The following TMEM63A variants were observed in gnomAD, a reference collection of about 807,000 sequenced individuals.
TMEM63A encodes mechanosensitive cation channel TMEM63A.
Under a neutral mutation model 100.6 loss-of-function variants are expected in TMEM63A, and 76 were observed. That is an observed-to-expected ratio of 0.76 (90% CI 0.63 to 0.91). The LOEUF (loss-of-function observed/expected upper bound fraction) is 0.91, where lower values mean the gene tolerates loss of function less well. Ranked by LOEUF, TMEM63A falls within the 40% of genes least tolerant of loss-of-function variation. TMEM63A has a pLI of 0.00. For missense variants in TMEM63A, 876 were observed against 1,008.8 expected, an observed-to-expected ratio of 0.87 and a Z score of 1.78; for synonymous variants, 401 against 401.1, an observed-to-expected ratio of 1.00 and a Z score of 0.00.
chr1:225,849,367 G>C (rs1438803787), intron 21 of TMEM63A, among the ~76,000 whole-genome samples: 3 of 152,144 alleles, frequency 2.0e-5, no homozygotes, highest in Admixed American at 2.0e-4. Context: ...CACACCCCCA[G>C]TCTGACCGGG....
chr1:225,856,063 G>A lies in TMEM63A; in HGVS notation c.1572-123C>T, dbSNP rs74501019. On this transcript the variant is annotated intron_variant, in intron 17 of 24. Coordinates refer to ENST00000366835, the MANE Select transcript of TMEM63A (RefSeq NM_014698.3). Reference sequence around the variant, plus strand: ...CTCGAGATTGACTTTTGTTCTCAACGATGCCACTTACTACGGCATGACCTG... The same window carrying A: ...CTCGAGATTGACTTTTGTTCTCAACAATGCCACTTACTACGGCATGACCTG... The A allele has an allele frequency of 4.1e-3, 3,912 of 955,650 alleles. 82 individuals carry two copies. The African/African-American group carries it at 0.047, about 12-fold the overall frequency. 59.2% of individuals were successfully genotyped at this position (955,650 alleles called of 1,614,324 possible).
At chr1:225,881,235 G>GCAC (rs1671072713) in intron 1 of TMEM63A, among the ~76,000 whole-genome samples, 1 of 152,218 alleles carries the variant, frequency 6.6e-6, no homozygotes, top group Non-Finnish European at 1.5e-5. Flanking sequence ...TAGGGTCTCA[G>GCAC]CACCACGCAG....
intron 17 of TMEM63A, 141 bp from the exon 18 acceptor site, chr1:225,856,081 A>G: frequency 2.5e-6 from 2 of 803,232 alleles, no homozygotes; most frequent in Non-Finnish European, 4.0e-6. Flanking sequence ...TTACTACGGC[A>G]TGACCTGTCA....
At chr1:225,859,064 G>A in intron 15 of TMEM63A, 132 bp downstream of exon 15, 1 of 1,323,716 alleles carries the variant, frequency 7.6e-7, no homozygotes. Context: ...AAGCAAGGAT[G>A]TGAGCTGAGC....
chr1:225,878,446 C>T (rs1333691221), intron 2 of TMEM63A, among the ~76,000 whole-genome samples: 1 of 152,132 alleles, frequency 6.6e-6, no homozygotes, highest in Non-Finnish European at 1.5e-5. Context: ...ATCAGTCTAA[C>T]TGCAAGGCCC....
At chr1:225,866,981 T>A (rs360085) in intron 8 of TMEM63A, 131 bp downstream of exon 8, 892,767 of 929,940 alleles carry the variant, frequency 0.96, 428,664 homozygotes, top group East Asian at 1. Context: ...GCTCAACAAC[T>A]CACTAGCTGC....
intron 6 of TMEM63A, among the ~76,000 whole-genome samples, chr1:225,870,402 G>A (rs1239461806): frequency 1.3e-5 from 2 of 150,382 alleles, no homozygotes; most frequent in African/African-American, 4.9e-5. Context: ...AGATTCAATG[G>A]AATATGGCAG....
At position 225,853,514 on chromosome 1, in the gene TMEM63A, T is replaced by G; in HGVS notation, c.1797+115A>C. On this transcript the variant is annotated intron_variant, in intron 19 of 24. Coordinates refer to ENST00000366835, the MANE Select transcript of TMEM63A (RefSeq NM_014698.3). This position sits in a 1 kb window ranked among gnomAD's most constrained non-coding sequence, Gnocchi z 4.0. ...TTAGCCCAGTGCCTGCACTAGTGGGTAGTCAGGTAAATGCTACCCACTAGT... is the reference window on the plus strand; with the variant it reads ...TTAGCCCAGTGCCTGCACTAGTGGGGAGTCAGGTAAATGCTACCCACTAGT... 1 of 1,099,814 alleles carries G rather than the reference T, an allele frequency of 9.1e-7. No individual in the cohort carries two copies. The highest frequency in any genetic ancestry group is 1.3e-6 in the Non-Finnish European group (1 of 799,222). 68.1% of individuals were successfully genotyped at this position (1,099,814 alleles called of 1,614,324 possible). A position where few individuals can be genotyped will look rare whatever the true frequency, so the allele number is the denominator to read the frequency against.
In TMEM63A at chr1:225,845,942, C is replaced by T. The variant is rs531944978; in HGVS notation, c.*997G>A. On this transcript the variant is annotated 3_prime_UTR_variant, in exon 25 of 25. Coordinates refer to ENST00000366835, the MANE Select transcript of TMEM63A (RefSeq NM_014698.3). Reference sequence around the variant, plus strand: ...TGCTCTTCCACACCCCCATCCCGCCCCTACTGCACAGGCTTGTGCCTTGGT... The same window carrying T: ...TGCTCTTCCACACCCCCATCCCGCCTCTACTGCACAGGCTTGTGCCTTGGT... 6.4e-4 allele frequency: 108 copies of T among 168,466 alleles called. 1 individual carries two copies. Among genetic ancestry groups the T allele is most frequent in the South Asian group, 3.4e-3 (23 of 6,826 alleles). 10.4% of individuals were successfully genotyped at this position (168,466 alleles called of 1,614,324 possible).
At chr1:225,842,734 C>A (rs186565643), downstream of TMEM63A, among the ~76,000 whole-genome samples, 31 of 152,344 alleles carry the variant, frequency 2.0e-4, no homozygotes, top group African/African-American at 7.2e-4. Context: ...GCTGAACAGG[C>A]CCCTCTGGGG....
intron 14 of TMEM63A, chr1:225,860,150 A>G (rs1051096794): frequency 6.5e-5 from 10 of 152,806 alleles, no homozygotes; most frequent in African/African-American, 2.4e-4. Flanking sequence ...ACCAAAGAGC[A>G]AAACTGTCAG....
At chr1:225,845,415 A>G, downstream of TMEM63A, 3 of 1,481,664 alleles carry the variant, frequency 2.0e-6, no homozygotes, top group Non-Finnish European at 2.7e-6. Context: ...TGGGGAAGAT[A>G]CCCCTTTTCT....
Position 225,868,137 on chromosome 1 carries a change from G to A in TMEM63A, c.372-107C>T, listed in dbSNP as rs546521486. On this transcript the variant is annotated intron_variant, in intron 6 of 24. Coordinates refer to ENST00000366835, the MANE Select transcript of TMEM63A (RefSeq NM_014698.3). ...CACACTCTTATGAGATGGTTCGATC[G>A]CTATCCCCACATTTTTGTTCACATA... The A allele has an allele frequency of 9.7e-5, 135 of 1,386,022 alleles. 1 individual carries two copies. In the Admixed American group the frequency reaches 1.3e-3, roughly 13 times the overall value. 85.9% of individuals were successfully genotyped at this position (1,386,022 alleles called of 1,614,324 possible). A position where few individuals can be genotyped will look rare whatever the true frequency, so the allele number is the denominator to read the frequency against.
intron 5 of TMEM63A, chr1:225,871,768 G>A (rs1372118787): frequency 1.3e-5 from 7 of 540,844 alleles, no homozygotes; most frequent in African/African-American, 1.9e-5. Context: ...AAGGGATTCC[G>A]TACCCCTTCC....
chr1:225,846,954 C>A, intron 24 of TMEM63A, 22 bp from the exon 25 acceptor site: 1 of 1,457,570 alleles, frequency 6.9e-7, no homozygotes. Flanking sequence ...GGGAAGAAGT[C>A]ATGAACTTGG....
At position 225,848,964 on chromosome 1, in the gene TMEM63A, G is replaced by T; in HGVS notation, c.2120C>A (p.Thr707Asn). 1 of 1,604,300 alleles carries T rather than the reference G, an allele frequency of 6.2e-7. No individual in the cohort carries two copies. The highest frequency in any genetic ancestry group is 8.5e-7 in the Non-Finnish European group (1 of 1,175,998). Reference protein sequence around the residue: ...TLFTFLVLLLTILVCLAHTCF... With the variant: ...TLFTFLVLLLNILVCLAHTCF... ...GGTGTGAGCCAGGCAGACCAGGATGGTGAGCAGCAGCACCAGGAAGGTGAA... is the reference window on the plus strand; with the variant it reads ...GGTGTGAGCCAGGCAGACCAGGATGTTGAGCAGCAGCACCAGGAAGGTGAA... Residue 707 changes from threonine to asparagine, a missense_variant, in exon 22 of 25, where the codon ACC becomes AAC. Transcript: ENST00000366835.
In TMEM63A at chr1:225,848,484, C is replaced by G; in HGVS notation, c.2250+8G>C. On this transcript the variant is annotated splice_region_variant and intron_variant, in intron 23 of 24. Transcript: ENST00000366835. The stretch of plus-strand genomic sequence containing the variant: ...CGACAAGCTCAGAGGCTGAGGGGCA[C>G]AGCTTACTGTGAACGGTGGGGGCAT... The G allele has an allele frequency of 1.2e-6, 2 of 1,614,010 alleles. No homozygotes were observed. Among genetic ancestry groups the G allele is most frequent in the South Asian group, 2.2e-5 (2 of 91,074 alleles).
At chr1:225,874,860 G>A (rs1242012480) in intron 3 of TMEM63A, among the ~76,000 whole-genome samples, 1 of 152,120 alleles carries the variant, frequency 6.6e-6, no homozygotes, top group Non-Finnish European at 1.5e-5. Context: ...TCAGCCTCCA[G>A]AGTAGCTGGG....
In TMEM63A at chr1:225,862,437, G is replaced by A. The variant is rs531251895; in HGVS notation, c.951+18C>T. 21 of 1,613,280 alleles carry A rather than the reference G, an allele frequency of 1.3e-5. No individual in the cohort carries two copies. Among genetic ancestry groups the A allele is most frequent in the Admixed American group, 5.0e-5 (3 of 59,968 alleles). On this transcript the variant is annotated intron_variant, in intron 12 of 24. Coordinates refer to ENST00000366835, the MANE Select transcript of TMEM63A (RefSeq NM_014698.3). This position sits in a 1 kb window ranked among gnomAD's most constrained non-coding sequence, Gnocchi z 5.1. The stretch of plus-strand genomic sequence containing the variant: ...GATGCCAATGCCTCTGCTCCCAGCC[G>A]GGGGGTGGGACCCTTACCCACTCAC...
Sources: gnomAD v4.1 joint callset for allele counts (sites outside exome capture counted in the v4.1 genomes callset) on GRCh38, gnomAD v4.1.1 for gene constraint, Gnocchi (gnomAD v3.1) non-coding constraint, MANE v1.5 for transcripts, NCBI Gene and HGNC (gene_info 2026-07-23, HGNC 2026-07-21) for gene names.